The following GPR55 variants were observed in gnomAD, a reference collection of about 807,000 sequenced individuals.
GPR55 encodes G-protein coupled receptor 55.
A neutral mutation model predicts 7.9 loss-of-function variants in GPR55; 6 were observed. The observed-to-expected ratio is 0.76, with a 90% CI of 0.41 to 1.49. GPR55 has a LOEUF of 1.49. Among genes scored for constraint, GPR55 ranks in the 40% most tolerant of loss-of-function variants. GPR55 has a pLI of 0.01. For missense variants in GPR55, 376 were observed against 406.0 expected (o/e 0.93, Z 0.63); for synonymous variants, 183 against 166.8 (o/e 1.10, Z -0.75).
chr2:230,951,768 T>G (rs1250015742), intron 1 of GPR55, among the ~76,000 whole-genome samples: 6 of 151,118 alleles, frequency 4.0e-5, no homozygotes, highest in African/African-American at 1.5e-4. Flanking sequence ...TTTTTTTTTT[T>G]TTTTTTGTGA....
At chr2:230,929,179 C>T (rs1005336751), upstream of GPR55, among the ~76,000 whole-genome samples, 2 of 152,052 alleles carry the variant, frequency 1.3e-5, no homozygotes, top group Non-Finnish European at 2.9e-5. Context: ...ACATTGAGCC[C>T]GGATGACTCC....
At chr2:230,951,186 T>C (rs1012110797) in intron 1 of GPR55, among the ~76,000 whole-genome samples, 4 of 152,150 alleles carry the variant, frequency 2.6e-5, no homozygotes, top group Non-Finnish European at 5.9e-5. Context: ...GGGTCAGGGA[T>C]AGTCTTGGGA....
At chr2:230,946,653 C>T (rs1031407245) in intron 1 of GPR55, among the ~76,000 whole-genome samples, 10 of 152,188 alleles carry the variant, frequency 6.6e-5, no homozygotes, top group Non-Finnish European at 8.8e-5. Context: ...AGTGAAATGA[C>T]GCTGGCAGAA....
chr2:230,950,363 C>A (rs547247362), intron 1 of GPR55, among the ~76,000 whole-genome samples: 1 of 152,328 alleles, frequency 6.6e-6, no homozygotes, highest in South Asian at 2.1e-4. Flanking sequence ...AGACGCAGAG[C>A]AATTAGAGCA....
chr2:230,922,629 G>C (rs1231313656), intron 1 of GPR55, among the ~76,000 whole-genome samples: 1 of 151,950 alleles, frequency 6.6e-6, no homozygotes, highest in Non-Finnish European at 1.5e-5. Context: ...AGGCTGGGGT[G>C]CAATGGTGTG....
At chr2:230,922,483 C>T (rs1690861136) in intron 1 of GPR55, among the ~76,000 whole-genome samples, 2 of 152,190 alleles carry the variant, frequency 1.3e-5, no homozygotes, top group Admixed American at 1.3e-4. Context: ...TCAAGCAATC[C>T]TCCCACCTCA....
At chr2:230,939,987 C>T (rs1016762154) in intron 1 of GPR55, among the ~76,000 whole-genome samples, 4 of 152,150 alleles carry the variant, frequency 2.6e-5, no homozygotes, top group African/African-American at 9.7e-5. Flanking sequence ...TCTCCTTGGC[C>T]TGCCACTGCC....
chr2:230,940,954 T>G (rs990430541), intron 1 of GPR55, among the ~76,000 whole-genome samples: 3 of 151,710 alleles, frequency 2.0e-5, no homozygotes, highest in Non-Finnish European at 4.4e-5. Flanking sequence ...CCATCTCTAT[T>G]AAAATACAAA....
At chr2:230,948,283 C>G (rs1408739682) in intron 1 of GPR55, among the ~76,000 whole-genome samples, 4 of 152,138 alleles carry the variant, frequency 2.6e-5, no homozygotes, top group African/African-American at 9.7e-5. Flanking sequence ...CTTCCCCACT[C>G]AGAGCCTCCC....
At chr2:230,932,524 C>T (rs1009526109) in intron 1 of GPR55, among the ~76,000 whole-genome samples, 1 of 152,232 alleles carries the variant, frequency 6.6e-6, no homozygotes, top group African/African-American at 2.4e-5. Context: ...GTTGGATCTA[C>T]ACCTCTTCTA....
intron 1 of GPR55, among the ~76,000 whole-genome samples, chr2:230,941,424 C>T (rs1421635441): frequency 6.6e-6 from 1 of 152,232 alleles, no homozygotes; most frequent in Non-Finnish European, 1.5e-5. Flanking sequence ...TGCCCCCGCT[C>T]CCAGACCCAG....
chr2:230,928,971 A>G (rs894837410), upstream of GPR55, among the ~76,000 whole-genome samples: 1 of 152,016 alleles, frequency 6.6e-6, no homozygotes, highest in African/African-American at 2.4e-5. Context: ...CTCCCCTCCC[A>G]TTCTGCCGGG....
rs1690544391 is a variant in GPR55, at chr2:230,909,911, G to A, written c.*92C>T. 8.0e-7 allele frequency: 1 copy of A among 1,252,092 alleles called. No individual in the cohort carries two copies. Among genetic ancestry groups the A allele is most frequent in the African/African-American group, 1.5e-5 (1 of 66,716 alleles). The allele number at this position is 1,252,092 out of a possible 1,614,324, so 77.6% of individuals were successfully genotyped here. ...GAAGCACATCAGTGAAGATGGTGCG[G>A]ATCATCCCACCACATCAAAACCCTG... On this transcript the variant is annotated 3_prime_UTR_variant, in exon 2 of 2. Transcript: ENST00000650999.
chr2:230,955,338 T>G (rs916859080), intron 1 of GPR55, among the ~76,000 whole-genome samples: 1 of 152,242 alleles, frequency 6.6e-6, no homozygotes, highest in African/African-American at 2.4e-5. Flanking sequence ...CTCCTTGATG[T>G]GACAGCATAT....
chr2:230,930,808 C>A (rs1475571816), intron 1 of GPR55, among the ~76,000 whole-genome samples: 1 of 152,188 alleles, frequency 6.6e-6, no homozygotes, highest in Non-Finnish European at 1.5e-5. Context: ...TTAATTGTGT[C>A]GTTCGTCTCC....
In GPR55 at chr2:230,910,343, A is replaced by T. The variant is rs764199766; in HGVS notation, c.620T>A (p.Ile207Asn). ...GGTGTGGTCTCGGCGGCCCAGCAGG[A>T]TGTGGATGCTCCTGGAGCAGCAGAA... ...MGFCCSRSIH[I>N]LLGRRDHTQD... The change falls in exon 2 of 2, where the codon ATC (isoleucine) becomes AAC (asparagine). Residue 207 changes from isoleucine (I) to asparagine (N), a missense_variant. Transcript: ENST00000650999. This position sits in a 1 kb window ranked among gnomAD's most constrained non-coding sequence, Gnocchi z 5.4. 3 of 1,613,162 alleles carry T rather than the reference A, an allele frequency of 1.9e-6. No individual in the cohort carries two copies. The South Asian group carries it at 3.3e-5, about 18-fold the overall frequency.
At chr2:230,946,821 C>A (rs1691325117) in intron 1 of GPR55, among the ~76,000 whole-genome samples, 1 of 152,222 alleles carries the variant, frequency 6.6e-6, no homozygotes, top group South Asian at 2.1e-4. Flanking sequence ...CCTCCAGGGC[C>A]TAACTGGGGC....
At chr2:230,941,994 C>T (rs964358005) in intron 1 of GPR55, among the ~76,000 whole-genome samples, 2 of 152,158 alleles carry the variant, frequency 1.3e-5, no homozygotes, top group African/African-American at 4.8e-5. Flanking sequence ...ATCCAGAGTG[C>T]AGGGGAGCCT....
At chr2:230,941,437 C>T (rs1218580661) in intron 1 of GPR55, among the ~76,000 whole-genome samples, 5 of 152,356 alleles carry the variant, frequency 3.3e-5, no homozygotes, top group East Asian at 1.9e-4. Context: ...AGACCCAGGA[C>T]GCTCAACCTG....
Sources: allele counts gnomAD v4.1 joint callset (sites outside exome capture counted in the v4.1 genomes callset), GRCh38; gene constraint gnomAD v4.1.1; non-coding constraint Gnocchi (gnomAD v3.1); transcripts MANE v1.5; gene names NCBI Gene and HGNC (gene_info 2026-07-23, HGNC 2026-07-21).